Variants in NFKBID observed in about 807,000 individuals in gnomAD.
The protein encoded by NFKBID is NFKB inhibitor delta.
In NFKBID, 26 loss-of-function variants were observed where a neutral mutation model predicts 53.4. The ratio of observed to expected loss-of-function variants is 0.49; its 90% CI spans 0.36 to 0.68. NFKBID has a LOEUF of 0.68. Ranked by LOEUF, NFKBID falls within the 30% of genes least tolerant of loss-of-function variation. The pLI, the probability that NFKBID is intolerant of heterozygous loss-of-function variation, is 0.00. For missense variants in NFKBID, 493 were observed against 614.1 expected (o/e 0.80, Z 2.08); for synonymous variants, 262 against 259.8 (o/e 1.01, Z -0.08).
At chr19:35,895,770 C>G (rs1448464310) in intron 9 of NFKBID, among the ~76,000 whole-genome samples, 2 of 152,192 alleles carry the variant, frequency 1.3e-5, no homozygotes, top group Non-Finnish European at 2.9e-5. Context: ...CACCATTGCA[C>G]TCCAGCCAGG....
chr19:35,891,447 G>C (rs754169097), intron 9 of NFKBID, among the ~76,000 whole-genome samples: 1 of 151,976 alleles, frequency 6.6e-6, no homozygotes, highest in Non-Finnish European at 1.5e-5. Flanking sequence ...TTTGGATCTT[G>C]ATTTTTTTTA....
intron 9 of NFKBID, among the ~76,000 whole-genome samples, chr19:35,895,765 T>C (rs146476973): frequency 0.013 from 1,913 of 152,010 alleles, 22 homozygotes; most frequent in East Asian, 0.07. Flanking sequence ...GATCACACCA[T>C]TGCACTCCAG....
chr19:35,897,889 G>A, intron 3 of NFKBID, 33 bp from the exon 4 acceptor site: 1 of 1,457,640 alleles, frequency 6.9e-7, no homozygotes, highest in Non-Finnish European at 9.3e-7. Flanking sequence ...GGGCAGGTCT[G>A]GTTACCAGAG....
exon 1 of NFKBID, chr19:35,900,498 G>C: frequency 8.1e-7 from 1 of 1,231,858 alleles, no homozygotes; most frequent in Non-Finnish European, 1.0e-6. Flanking sequence ...TCGGCGCTGC[G>C]CCAGCCTCGC....
In NFKBID at chr19:35,896,700, A is replaced by G. The variant is rs1975184453; in HGVS notation, c.684+26T>C. 1.9e-6 allele frequency: 3 copies of G among 1,579,726 alleles called. No homozygotes were observed. The highest frequency in any genetic ancestry group is 2.6e-6 in the Non-Finnish European group (3 of 1,159,156). ...CCAGGCTCCTTCCTCCCCTGAACCC[A>G]GGAGAGTTCAGGCCCCAAGCCTCAC... On this transcript the variant is annotated intron_variant, in intron 6 of 11. Coordinates refer to ENST00000641389, the Ensembl canonical transcript of NFKBID. The surrounding 1 kb of genome is among the most constrained non-coding windows in gnomAD (Gnocchi z 5.7).
At chr19:35,898,440 G>A (rs748206708) in intron 3 of NFKBID, 32 bp downstream of exon 3, 8 of 1,440,470 alleles carry the variant, frequency 5.6e-6, no homozygotes, top group South Asian at 2.4e-5. Context: ...TAGGGAAGGG[G>A]GATGGGGAGG....
chr19:35,890,452 C>A (rs917599980), exon 10 of NFKBID: 56 of 1,613,924 alleles, frequency 3.5e-5, no homozygotes, highest in Non-Finnish European at 4.5e-5. Context: ...TGGCAGCCTG[C>A]ACGGCCAAGT....
At position 35,898,635 on chromosome 19, in the gene NFKBID, C is replaced by T. The variant is rs548122047; in HGVS notation, c.165+84G>A. 5.4e-5 allele frequency: 76 copies of T among 1,413,784 alleles called. 1 individual carries two copies. In the African/African-American group the frequency reaches 1.1e-3, roughly 20 times the overall value. 87.6% of individuals were successfully genotyped at this position (1,413,784 alleles called of 1,614,324 possible). On this transcript the variant is annotated intron_variant, in intron 2 of 11. Coordinates refer to ENST00000641389, the Ensembl canonical transcript of NFKBID. ...ACATTTCGGTCAGGACCACCCCTCT[C>T]ATCAGCCCCGAGGGCCCGGCAAGCC...
At chr19:35,901,233 G>C (rs1250496592), upstream of NFKBID, among the ~76,000 whole-genome samples, 1 of 151,848 alleles carries the variant, frequency 6.6e-6, no homozygotes, top group African/African-American at 2.4e-5. Flanking sequence ...TGGAGATGGG[G>C]TGGGGGCAGG....
At chr19:35,902,135 C>T (rs1975581711), upstream of NFKBID, 1 of 702,260 alleles carries the variant, frequency 1.4e-6, no homozygotes, top group Non-Finnish European at 2.6e-6. Flanking sequence ...GATTGTCAGG[C>T]ATTTCCAACC....
chr19:35,888,452 G>T, exon 12 of NFKBID: 1 of 824,018 alleles, frequency 1.2e-6, no homozygotes, highest in Non-Finnish European at 2.0e-6. Context: ...AACCCCAATG[G>T]CAGGATATTC....
intron 2 of NFKBID, 26 bp from the exon 3 acceptor site, chr19:35,898,558 C>A: frequency 6.6e-7 from 1 of 1,513,878 alleles, no homozygotes; most frequent in East Asian, 2.5e-5. Flanking sequence ...CAAAAAGGAA[C>A]CCAGGTGACT....
Position 35,896,911 on chromosome 19 carries a change from A to T in NFKBID, c.578+2T>A. The T allele has an allele frequency of 6.2e-7, 1 of 1,608,458 alleles. No individual in the cohort carries two copies. Among genetic ancestry groups the T allele is most frequent in the Non-Finnish European group, 8.5e-7 (1 of 1,176,258 alleles). ...GCAGACAACCCTATCCCTTATACTC[A>T]CGTGTCCCCCTCCTCATCCTGGGCC... On this transcript the variant is annotated splice_donor_variant, in intron 5 of 11. Coordinates refer to ENST00000641389, the Ensembl canonical transcript of NFKBID. LOFTEE classifies it high-confidence loss of function. This position sits in a 1 kb window ranked among gnomAD's most constrained non-coding sequence, Gnocchi z 5.7.
chr19:35,891,586 T>C (rs189179884), intron 9 of NFKBID, among the ~76,000 whole-genome samples: 6 of 152,274 alleles, frequency 3.9e-5, no homozygotes, highest in East Asian at 1.9e-4. Context: ...TTCTTTTTTT[T>C]CGAAGGGCAC....
At chr19:35,899,124 A>C (rs1377904695) in intron 1 of NFKBID, among the ~76,000 whole-genome samples, 5 of 152,142 alleles carry the variant, frequency 3.3e-5, no homozygotes, top group Admixed American at 2.0e-4. Context: ...CTTCCGTAAA[A>C]AAATTCCACC....
rs1236762383 is a variant in NFKBID, at chr19:35,888,626, A to G, written c.1315-14T>C. 3 of 1,568,070 alleles carry G rather than the reference A, an allele frequency of 1.9e-6. No homozygotes were observed. The highest frequency in any genetic ancestry group is 1.9e-5 in the Admixed American group (1 of 53,394). Reference sequence around the variant, plus strand: ...CAGCTGCCGGAGCTGTAGACAAGGCAAAGGAGGGAGAGAAGTCTGTCAGGT... The same window carrying G: ...CAGCTGCCGGAGCTGTAGACAAGGCGAAGGAGGGAGAGAAGTCTGTCAGGT... On this transcript the variant is annotated splice_polypyrimidine_tract_variant and intron_variant, in intron 11 of 11. Transcript: ENST00000641389.
intron 9 of NFKBID, among the ~76,000 whole-genome samples, chr19:35,892,244 G>T (rs1464658745): frequency 6.6e-6 from 1 of 151,870 alleles, no homozygotes; most frequent in African/African-American, 2.4e-5. Context: ...TAGAGATGGG[G>T]TCTCCCTATG....
At position 35,897,626 on chromosome 19, in the gene NFKBID, A is replaced by G. The variant is rs576183253; in HGVS notation, c.432+25T>C. ...TGCGAATTTTTAGGGGCCCTTCAGCATCCTGTACCCACTCTGTATCTCACC... is the reference window on the plus strand; with the variant it reads ...TGCGAATTTTTAGGGGCCCTTCAGCGTCCTGTACCCACTCTGTATCTCACC... On this transcript the variant is annotated intron_variant, in intron 4 of 11. Coordinates refer to ENST00000641389, the Ensembl canonical transcript of NFKBID. 18 of 1,241,870 alleles carry G rather than the reference A, an allele frequency of 1.4e-5. 1 individual carries two copies. In the Admixed American group the frequency reaches 2.0e-4, roughly 14 times the overall value. The allele number at this position is 1,241,870 out of a possible 1,614,324, so 76.9% of individuals were successfully genotyped here.
At chr19:35,890,117 C>G in intron 10 of NFKBID, 63 bp from the exon 11 acceptor site, 2 of 1,483,170 alleles carry the variant, frequency 1.3e-6, no homozygotes, top group South Asian at 2.4e-5. Flanking sequence ...CTCTAAACTG[C>G]ACTTCAATTT....
Sources: gnomAD v4.1 joint callset for allele counts (sites outside exome capture counted in the v4.1 genomes callset) on GRCh38, gnomAD v4.1.1 for gene constraint, Gnocchi (gnomAD v3.1) non-coding constraint, MANE v1.5 for transcripts, NCBI Gene and HGNC (gene_info 2026-07-23, HGNC 2026-07-21) for gene names.